Variants in CRACR2A observed in about 807,000 individuals in gnomAD.
CRACR2A encodes EF-hand calcium-binding domain-containing protein 4B.
A neutral mutation model predicts 90.5 loss-of-function variants in CRACR2A; 79 were observed. The ratio of observed to expected loss-of-function variants is 0.87; its 90% confidence interval spans 0.73 to 1.05. The LOEUF is 1.05. Ranked by LOEUF, CRACR2A falls within the 50% of genes least tolerant of loss-of-function variation. CRACR2A has a pLI of 0.00. For synonymous variants in CRACR2A, 338 were observed against 356.7 expected, an observed-to-expected ratio of 0.95 and a Z score of 0.59; for missense variants, 823 against 897.2, an observed-to-expected ratio of 0.92 and a Z score of 1.06.
intron 4 of CRACR2A, 137 bp downstream of exon 4, chr12:3,696,635 G>A (rs745915743): frequency 2.0e-5 from 25 of 1,277,596 alleles, no homozygotes; most frequent in Non-Finnish European, 2.4e-5. Flanking sequence ...TAGAGTTTGG[G>A]CAGATCCTTC....
At chr12:3,647,157 C>T (rs1041921496) in intron 11 of CRACR2A, among the ~76,000 whole-genome samples, 2 of 151,874 alleles carry the variant, frequency 1.3e-5, no homozygotes, top group Non-Finnish European at 2.9e-5. Flanking sequence ...ATTCCACCAC[C>T]GTCCCACCCC....
intron 18 of CRACR2A, 32 bp from the exon 19 acceptor site, chr12:3,617,062 T>C: frequency 6.6e-7 from 1 of 1,511,240 alleles, no homozygotes; most frequent in Non-Finnish European, 9.0e-7. Context: ...AATACAAGAG[T>C]ATTGGAGTGA....
At chr12:3,745,085 T>C (rs138978055) in intron 1 of CRACR2A, among the ~76,000 whole-genome samples, 3 of 152,210 alleles carry the variant, frequency 2.0e-5, no homozygotes, top group Non-Finnish European at 2.9e-5. Context: ...TCTGTGGGAT[T>C]CTGTAGGGAA....
At chr12:3,652,976 T>C (rs2137452935) in intron 10 of CRACR2A, among the ~76,000 whole-genome samples, 1 of 152,274 alleles carries the variant, frequency 6.6e-6, no homozygotes, top group Admixed American at 6.5e-5. Flanking sequence ...GAACCTGCTA[T>C]ACCAGGATAA....
chr12:3,638,108 T>C lies in CRACR2A; in HGVS notation c.1602+16A>G, dbSNP rs773065132. The stretch of plus-strand genomic sequence containing the variant: ...TAGAAGTGATGTGCATGAACCAAGG[T>C]AGGCTGTGCCCTTACCTTACACAGG... On this transcript the variant is annotated intron_variant, in intron 14 of 19. Transcript: ENST00000440314. 77 of 1,526,940 alleles carry C rather than the reference T, an allele frequency of 5.0e-5. No homozygotes were observed. Among genetic ancestry groups the C allele is most frequent in the Non-Finnish European group, 6.4e-5 (72 of 1,131,072 alleles). The allele number at this position is 1,526,940 out of a possible 1,614,324, so 94.6% of individuals were successfully genotyped here. A position where few individuals can be genotyped will look rare whatever the true frequency, so the allele number is the denominator to read the frequency against.
At chr12:3,689,938 G>C (rs1046539928) in intron 4 of CRACR2A, among the ~76,000 whole-genome samples, 1 of 152,084 alleles carries the variant, frequency 6.6e-6, no homozygotes, top group African/African-American at 2.4e-5. Context: ...TGTGTGCATA[G>C]AGGTGTCCAT....
chr12:3,704,701 T>C (rs529701906), intron 3 of CRACR2A, among the ~76,000 whole-genome samples: 1 of 152,312 alleles, frequency 6.6e-6, no homozygotes, highest in South Asian at 2.1e-4. Context: ...AGGAGCCTGA[T>C]TCTGTCTTTT....
At chr12:3,617,718 T>C (rs762419677) in intron 18 of CRACR2A, among the ~76,000 whole-genome samples, 2 of 152,214 alleles carry the variant, frequency 1.3e-5, no homozygotes, top group Admixed American at 6.5e-5. Flanking sequence ...CTCCCATTAA[T>C]AGATTACTGG....
chr12:3,748,243 G>A (rs901633774), intron 1 of CRACR2A, among the ~76,000 whole-genome samples: 12 of 152,168 alleles, frequency 7.9e-5, no homozygotes, highest in African/African-American at 2.9e-4. Flanking sequence ...CAGCACAGAT[G>A]GGGTGGGGAC....
chr12:3,715,482 C>T (rs960623660), intron 2 of CRACR2A, among the ~76,000 whole-genome samples: 4 of 152,178 alleles, frequency 2.6e-5, no homozygotes, highest in South Asian at 4.1e-4. Context: ...TAGTTAAGAA[C>T]ATCACACGTA....
chr12:3,739,578 T>G (rs1413322070), intron 1 of CRACR2A, among the ~76,000 whole-genome samples: 1 of 152,240 alleles, frequency 6.6e-6, no homozygotes, highest in Non-Finnish European at 1.5e-5. Flanking sequence ...TGTTCAGCAG[T>G]TATTTTCATC....
At chr12:3,700,991 A>G (rs1179319112) in intron 3 of CRACR2A, among the ~76,000 whole-genome samples, 2 of 152,230 alleles carry the variant, frequency 1.3e-5, no homozygotes, top group African/African-American at 2.4e-5. Context: ...AAAAGAATTC[A>G]GTTTGTACAA....
In CRACR2A at chr12:3,627,931, T is replaced by C. The variant is rs528925840; in HGVS notation, c.1736-225A>G. Among the ~76,000 whole-genome samples, 5 of 152,294 alleles carry C rather than the reference T, an allele frequency of 3.3e-5. No homozygotes were observed. In the South Asian group the frequency reaches 8.3e-4, roughly 25 times the overall value. On this transcript the variant is annotated intron_variant, in intron 15 of 19. Transcript: ENST00000440314. ...TCTGCCACTTATTAGCTGTGGAACATTGATCAAATCACTTAACCACTCTGA... is the reference window on the plus strand; with the variant it reads ...TCTGCCACTTATTAGCTGTGGAACACTGATCAAATCACTTAACCACTCTGA...
At position 3,705,819 on chromosome 12, in the gene CRACR2A, C is replaced by A. The variant is rs1311597293; in HGVS notation, c.-37+7418G>T. 2.0e-5 allele frequency among the ~76,000 whole-genome samples: 3 copies of A among 152,198 alleles called. No individual in the cohort carries two copies. The East Asian group carries it at 5.8e-4, about 29-fold the overall frequency. On this transcript the variant is annotated intron_variant, in intron 3 of 19. Coordinates refer to ENST00000440314, the MANE Select transcript of CRACR2A (RefSeq NM_001144958.2). ...GAATTGAATTGACTTATAGGATACA[C>A]ATTTGGTGTCAGAAAAAAAGACACT... is the stretch of plus-strand genomic sequence containing the variant.
intron 3 of CRACR2A, among the ~76,000 whole-genome samples, chr12:3,699,728 C>T (rs1945804386): frequency 6.6e-6 from 1 of 152,152 alleles, no homozygotes; most frequent in Non-Finnish European, 1.5e-5. Context: ...CAGCTATGAG[C>T]AACCAGTAGA....
At chr12:3,716,499 TG>T (rs1478631850) in intron 2 of CRACR2A, among the ~76,000 whole-genome samples, 1 of 152,256 alleles carries the variant, frequency 6.6e-6, no homozygotes, top group African/African-American at 2.4e-5. Context: ...CCAGTTGAGA[TG>T]TCTATGGTGT....
At chr12:3,625,636 G>A (rs1944242121) in intron 17 of CRACR2A, among the ~76,000 whole-genome samples, 2 of 148,124 alleles carry the variant, frequency 1.4e-5, no homozygotes, top group Non-Finnish European at 3.0e-5. Flanking sequence ...GATTTTCAAA[G>A]GGAAACTCTT....
chr12:3,666,277 T>A (rs759310832), intron 7 of CRACR2A, among the ~76,000 whole-genome samples: 10 of 151,864 alleles, frequency 6.6e-5, no homozygotes, highest in South Asian at 4.1e-4. Context: ...GCATTAAACA[T>A]CTTCACCCAA....
intron 3 of CRACR2A, among the ~76,000 whole-genome samples, chr12:3,703,446 G>C (rs774529626): frequency 7.2e-5 from 11 of 152,156 alleles, no homozygotes; most frequent in Non-Finnish European, 1.3e-4. Context: ...ATGTATCATG[G>C]ACCTAAATGT....
Sources: gnomAD v4.1 joint callset for allele counts (sites outside exome capture counted in the v4.1 genomes callset) on GRCh38, gnomAD v4.1.1 for gene constraint, MANE v1.5 for transcripts, NCBI Gene and HGNC (gene_info 2026-07-23, HGNC 2026-07-21) for gene names.